Variants in KLRG1 observed in about 807,000 individuals in gnomAD.
KLRG1 encodes killer cell lectin like receptor G1, also known as killer cell lectin-like receptor subfamily G member 1.
KLRG1 carries 16 observed loss-of-function variants against 21.8 expected under a neutral mutation model. The observed-to-expected ratio is 0.73, with a 90% CI of 0.50 to 1.11. KLRG1 has a LOEUF of 1.11. KLRG1 is among the 50% of genes most tolerant of loss of function. KLRG1 has a pLI of 0.00. For synonymous variants in KLRG1, 69 were observed against 75.9 expected, an observed-to-expected ratio of 0.91 and a Z score of 0.47; for missense variants, 173 against 218.3, an observed-to-expected ratio of 0.79 and a Z score of 1.31.
chr12:9,202,178 C>T, the KLRG1 span: 2 of 731,700 alleles, frequency 2.7e-6, no homozygotes, highest in Non-Finnish European at 4.5e-6. Context: ...TTGTATAAGA[C>T]TGCAAATCTG....
At chr12:9,172,728 G>A in the KLRG1 span, among the ~76,000 whole-genome samples, 1 of 152,100 alleles carries the variant, frequency 6.6e-6, no homozygotes, top group South Asian at 2.1e-4. Flanking sequence ...AACAAACAAA[G>A]AAGGGTAGTA....
intron 1 of KLRG1, among the ~76,000 whole-genome samples, chr12:8,966,804 A>G (rs1174498085): frequency 6.9e-6 from 1 of 145,600 alleles, no homozygotes; most frequent in African/African-American, 2.5e-5. Flanking sequence ...AGAACTAGAA[A>G]TACCATTTGA....
At chr12:9,169,856 G>C in the KLRG1 span, 1 of 284,770 alleles carries the variant, frequency 3.5e-6, no homozygotes, top group South Asian at 1.1e-4. Context: ...GTAGAGTCTA[G>C]AGGTAAAAAT....
intron 2 of KLRG1, among the ~76,000 whole-genome samples, chr12:8,992,523 A>G (rs928373665): frequency 4.6e-5 from 7 of 151,746 alleles, no homozygotes; most frequent in African/African-American, 1.7e-4. Context: ...GGTCTCCCTC[A>G]ATCAGCCAGG....
chr12:9,134,224 GC>G, the KLRG1 span, among the ~76,000 whole-genome samples: 1 of 152,158 alleles, frequency 6.6e-6, no homozygotes, highest in Non-Finnish European at 1.5e-5. Flanking sequence ...GGAGAAGAAT[GC>G]CACTTCCAAT....
the KLRG1 span, chr12:9,109,475 C>T: frequency 1.7e-6 from 2 of 1,173,990 alleles, no homozygotes; most frequent in Middle Eastern, 1.9e-4. Flanking sequence ...TTTCAGGTTC[C>T]CTGTAACAGT....
chr12:8,958,881 G>T (rs1946339000), intron 1 of KLRG1, among the ~76,000 whole-genome samples: 1 of 152,044 alleles, frequency 6.6e-6, no homozygotes, highest in Non-Finnish European at 1.5e-5. Flanking sequence ...ATCCTGCTGG[G>T]GTTACAATTG....
the KLRG1 span, chr12:9,110,112 T>G: frequency 1.4e-5 from 21 of 1,480,058 alleles, no homozygotes; most frequent in Admixed American, 2.1e-5. Context: ...ATGGAAACCC[T>G]AAGTTATCTA....
the KLRG1 span, among the ~76,000 whole-genome samples, chr12:9,105,058 T>G: frequency 6.6e-6 from 1 of 152,210 alleles, no homozygotes; most frequent in African/African-American, 2.4e-5. Flanking sequence ...AGGCACACAG[T>G]ATTAAATAAG....
At chr12:9,193,865 GATA>G in the KLRG1 span, among the ~76,000 whole-genome samples, 2 of 152,018 alleles carry the variant, frequency 1.3e-5, no homozygotes, top group Non-Finnish European at 2.9e-5. Flanking sequence ...AAATGTTACA[GATA>G]ATGATAGTGA....
chr12:9,111,616 A>G, the KLRG1 span: 2 of 433,558 alleles, frequency 4.6e-6, no homozygotes, highest in South Asian at 1.7e-5. Context: ...CTTTGGAGCT[A>G]GAAGAGAAGA....
the KLRG1 span, among the ~76,000 whole-genome samples, chr12:9,029,820 G>A: frequency 6.6e-6 from 1 of 151,990 alleles, no homozygotes; most frequent in African/African-American, 2.4e-5. Flanking sequence ...GCAATGGCAT[G>A]ATCTCGGCTC....
the KLRG1 span, chr12:9,149,499 C>A: frequency 6.8e-7 from 1 of 1,466,136 alleles, no homozygotes; most frequent in Non-Finnish European, 9.3e-7. Flanking sequence ...ATTTAAATTG[C>A]AGGGGCCCTT....
the KLRG1 span, among the ~76,000 whole-genome samples, chr12:9,034,840 G>A: frequency 1.3e-5 from 2 of 152,196 alleles, no homozygotes; most frequent in Admixed American, 6.5e-5. Context: ...AGGCCCTTCA[G>A]GAGGTTTTCC....
the KLRG1 span, chr12:9,095,735 T>C: frequency 1.5e-6 from 2 of 1,315,686 alleles, no homozygotes; most frequent in African/African-American, 1.5e-5. Context: ...GGCAAACTTA[T>C]TTGTGACTTT....
chr12:9,030,619 ACTGGT>A, the KLRG1 span, among the ~76,000 whole-genome samples: 3 of 151,906 alleles, frequency 2.0e-5, no homozygotes, highest in Non-Finnish European at 4.4e-5. Flanking sequence ...TGCTGGCCAG[ACTGGT>A]CTCGAACTCC....
chr12:9,192,947 C>G, the KLRG1 span, among the ~76,000 whole-genome samples: 1 of 152,124 alleles, frequency 6.6e-6, no homozygotes, highest in African/African-American at 2.4e-5. Flanking sequence ...TCTCTTTTGC[C>G]CTGATTCTGC....
At chr12:9,102,786 C>T in the KLRG1 span, among the ~76,000 whole-genome samples, 1 of 152,164 alleles carries the variant, frequency 6.6e-6, no homozygotes, top group Non-Finnish European at 1.5e-5. Context: ...TCAAGACTAG[C>T]ACAGTGCTGG....
At chr12:8,954,948 G>A (rs974395646) in intron 1 of KLRG1, among the ~76,000 whole-genome samples, 11 of 151,344 alleles carry the variant, frequency 7.3e-5, no homozygotes, top group African/African-American at 2.4e-4. Flanking sequence ...GCGGAGTCTC[G>A]ATCTCTTGCC....
Sources: gnomAD v4.1 joint callset for allele counts (sites outside exome capture counted in the v4.1 genomes callset) on GRCh38, gnomAD v4.1.1 for gene constraint, MANE v1.5 for transcripts, NCBI Gene and HGNC (gene_info 2026-07-23, HGNC 2026-07-21) for gene names.